DYNC1I1: variants seen among roughly 807,000 people sequenced by gnomAD.
The protein encoded by DYNC1I1 is dynein cytoplasmic 1 intermediate chain 1.
Under a neutral mutation model 86.6 loss-of-function variants are expected in DYNC1I1, and 43 were observed. That is an observed-to-expected ratio of 0.50 (90% CI 0.39 to 0.64). The LOEUF is 0.64. Among genes scored for constraint, DYNC1I1 ranks in the 30% least tolerant of loss-of-function variants. The probability of loss-of-function intolerance (pLI) is 0.00; values close to 1 mark genes in which losing one functional copy is unlikely to be tolerated. For synonymous variants in DYNC1I1, 262 were observed against 283.7 expected (o/e 0.92, Z 0.77); for missense variants, 604 against 788.8 (o/e 0.77, Z 2.81).
Position 95,822,737 on chromosome 7 carries a change from C to T in DYNC1I1, c.315-5320C>T, listed in dbSNP as rs147900424. Among the ~76,000 whole-genome samples, 911 of 152,266 alleles carry T rather than the reference C, an allele frequency of 6.0e-3. 13 individuals are homozygous for T. Among genetic ancestry groups the T allele is most frequent in the African/African-American group, 0.021 (865 of 41,566 alleles). On this transcript the variant is annotated intron_variant, in intron 4 of 16. Coordinates refer to ENST00000447467, the MANE Select transcript of DYNC1I1 (RefSeq NM_001135556.2). ...GCCTAAGAAATCAATTGAAACTAAT[C>T]AGAGCAGCCAAATGCAACTCATAAA...
At chr7:95,986,084 C>T (rs990121625) in intron 8 of DYNC1I1, among the ~76,000 whole-genome samples, 2 of 130,538 alleles carry the variant, frequency 1.5e-5, no homozygotes, top group African/African-American at 2.9e-5. Context: ...TTTGCAATGG[C>T]GGAGCTGAGG....
At chr7:96,073,651 G>A (rs1449820270) in intron 14 of DYNC1I1, among the ~76,000 whole-genome samples, 14 of 152,152 alleles carry the variant, frequency 9.2e-5, no homozygotes, top group Admixed American at 9.2e-4. Flanking sequence ...CTGAGTTGAT[G>A]AGGATCCTGA....
At chr7:96,105,845 A>G (rs763324838) in intron 16 of DYNC1I1, among the ~76,000 whole-genome samples, 7 of 152,060 alleles carry the variant, frequency 4.6e-5, no homozygotes, top group Non-Finnish European at 1.0e-4. Context: ...CTGATTTTCT[A>G]TTTCATTTTG....
intron 14 of DYNC1I1, among the ~76,000 whole-genome samples, chr7:96,058,469 T>A (rs976161174): frequency 4.6e-5 from 7 of 152,206 alleles, no homozygotes; most frequent in Non-Finnish European, 7.3e-5. Flanking sequence ...GAACAAGTTA[T>A]ACATTCCTTA....
intron 10 of DYNC1I1, among the ~76,000 whole-genome samples, chr7:96,020,597 T>C (rs908873900): frequency 3.9e-5 from 6 of 152,128 alleles, no homozygotes; most frequent in Admixed American, 6.6e-5. Flanking sequence ...AACAGTGTGA[T>C]GGTTTGTCAA....
Position 96,053,896 on chromosome 7 carries a change from A to T in DYNC1I1, c.1509+14475A>T, listed in dbSNP as rs181038357. Among the ~76,000 whole-genome samples the T allele has an allele frequency of 6.0e-4, 91 of 152,336 alleles. 1 individual carries two copies. In the East Asian group the frequency reaches 0.014, roughly 24 times the overall value. The stretch of plus-strand genomic sequence containing the variant: ...AACATGGGACAAAAAATATTGGAAG[A>T]TTATTCTCATTCTTCTGGTACTTTG... On this transcript the variant is annotated intron_variant, in intron 14 of 16. Transcript: ENST00000447467.
chr7:95,832,114 C>T (rs1331709502), intron 5 of DYNC1I1, among the ~76,000 whole-genome samples: 2 of 106,112 alleles, frequency 1.9e-5, no homozygotes, highest in Admixed American at 2.1e-4. Flanking sequence ...GCTATCCCTC[C>T]CCCCTCCCCC....
chr7:95,906,007 C>T (rs192868781), intron 6 of DYNC1I1, among the ~76,000 whole-genome samples: 8 of 152,266 alleles, frequency 5.3e-5, no homozygotes, highest in East Asian at 3.9e-4. Context: ...GGCTTCCCAA[C>T]GGTAAGGACC....
At chr7:96,055,357 A>G (rs187108592) in intron 14 of DYNC1I1, among the ~76,000 whole-genome samples, 443 of 152,140 alleles carry the variant, frequency 2.9e-3, no homozygotes, top group African/African-American at 9.4e-3. Flanking sequence ...GGGTATACCT[A>G]TGTAACAAAC....
intron 5 of DYNC1I1, among the ~76,000 whole-genome samples, chr7:95,842,733 A>G (rs1429559363): frequency 3.9e-5 from 6 of 152,188 alleles, no homozygotes; most frequent in African/African-American, 1.4e-4. Context: ...AAATCTCTCC[A>G]CTAGTTTCTG....
intron 5 of DYNC1I1, among the ~76,000 whole-genome samples, chr7:95,859,914 C>A (rs1429177836): frequency 1.3e-5 from 2 of 152,172 alleles, no homozygotes; most frequent in Non-Finnish European, 2.9e-5. Flanking sequence ...CTCCTTCTCC[C>A]CAGTTAATGG....
At position 96,052,682 on chromosome 7, in the gene DYNC1I1, G is replaced by T. The variant is rs561297645; in HGVS notation, c.1509+13261G>T. ...GCTGTTGTTATTTGGATGCTAAAGT[G>T]CTTTAGTAAGGCTGGAGCAGTGGGT... On this transcript the variant is annotated intron_variant, in intron 14 of 16. Transcript: ENST00000447467. Among the ~76,000 whole-genome samples, 5 of 152,238 alleles carry T rather than the reference G, an allele frequency of 3.3e-5. No homozygotes were observed. The South Asian group carries it at 6.2e-4, about 19-fold the overall frequency.
At chr7:95,943,244 G>A (rs1006143939) in intron 6 of DYNC1I1, among the ~76,000 whole-genome samples, 26 of 151,854 alleles carry the variant, frequency 1.7e-4, no homozygotes, top group African/African-American at 5.8e-4. Context: ...CAAACAGAGA[G>A]CCAAATCATG....
chr7:95,885,179 T>C (rs1052094924), intron 6 of DYNC1I1, among the ~76,000 whole-genome samples: 2 of 152,182 alleles, frequency 1.3e-5, no homozygotes, highest in African/African-American at 4.8e-5. Context: ...TCTTCTTCTT[T>C]TTTTTTGAAA....
At chr7:96,065,112 A>G (rs929246668) in intron 14 of DYNC1I1, among the ~76,000 whole-genome samples, 62 of 152,310 alleles carry the variant, frequency 4.1e-4, no homozygotes, top group African/African-American at 1.4e-3. Context: ...ACATTTGCCA[A>G]CCACCCTCAA....
intron 5 of DYNC1I1, among the ~76,000 whole-genome samples, chr7:95,854,978 C>A (rs2633939): frequency 0.72 from 108,990 of 152,036 alleles, 40,787 homozygotes; most frequent in Non-Finnish European, 0.84. Flanking sequence ...TTACACATCC[C>A]GATAGGTTGC....
chr7:96,108,646 G>A (rs935011362), intron 16 of DYNC1I1, among the ~76,000 whole-genome samples: 7 of 151,864 alleles, frequency 4.6e-5, no homozygotes, highest in Non-Finnish European at 7.4e-5. Context: ...GGTGGATCAC[G>A]AGGTCAGGAG....
At chr7:95,816,367 G>T (rs1794946617) in intron 4 of DYNC1I1, among the ~76,000 whole-genome samples, 1 of 152,136 alleles carries the variant, frequency 6.6e-6, no homozygotes, top group African/African-American at 2.4e-5. Flanking sequence ...TTTAAAAAAT[G>T]GGTAGAGAGT....
Position 95,869,886 on chromosome 7 carries a change from A to G in DYNC1I1, c.378A>G (p.Arg126=), listed in dbSNP as rs2116166178. Residue 126 remains arginine, a synonymous_variant, in exon 6 of 17, where the codon AGA becomes AGG. Coordinates refer to ENST00000447467, the MANE Select transcript of DYNC1I1 (RefSeq NM_001135556.2). ...LQLQSDSELG[R]RLHKLGVSKV... is the part of the protein sequence containing the mutation. ...ATTTATTCTTTGTTACTTACAGAAG[A>G]AGACTGCATAAACTGGGCGTGTCAA... 6 of 1,613,718 alleles carry G rather than the reference A, an allele frequency of 3.7e-6. No individual in the cohort carries two copies. The highest frequency in any genetic ancestry group is 4.2e-6 in the Non-Finnish European group (5 of 1,179,842).
Sources: allele counts gnomAD v4.1 joint callset (sites outside exome capture counted in the v4.1 genomes callset), GRCh38; gene constraint gnomAD v4.1.1; transcripts MANE v1.5; gene names NCBI Gene and HGNC (gene_info 2026-07-23, HGNC 2026-07-21).